The following RIPOR2 variants were observed in gnomAD, a reference collection of about 807,000 sequenced individuals.
RIPOR2 encodes rho family-interacting cell polarization regulator 2.
A neutral mutation model predicts 114.5 loss-of-function variants in RIPOR2; 39 were observed. The observed-to-expected ratio is 0.34, with a 90% confidence interval of 0.26 to 0.44. The LOEUF (loss-of-function observed/expected upper bound fraction) is 0.44, where lower values mean the gene tolerates loss of function less well. RIPOR2 is among the 20% of genes least tolerant of loss of function. RIPOR2 has a pLI of 1.00. For missense variants in RIPOR2, 1,007 were observed against 1,255.1 expected (o/e 0.80, Z 2.99); for synonymous variants, 445 against 484.4 (o/e 0.92, Z 1.07).
intron 12 of RIPOR2, among the ~76,000 whole-genome samples, chr6:24,845,667 A>G (rs1762192163): frequency 1.3e-5 from 2 of 152,200 alleles, no homozygotes; most frequent in Non-Finnish European, 2.9e-5. Flanking sequence ...GGGGACTTGC[A>G]GTCTACCAAG....
chr6:24,908,115 G>C (rs1460679395), intron 1 of RIPOR2, among the ~76,000 whole-genome samples: 1 of 152,124 alleles, frequency 6.6e-6, no homozygotes, highest in African/African-American at 2.4e-5. Context: ...CCTGGTAAAG[G>C]AGCTGTTCAC....
chr6:24,819,118 G>T (rs1759437162), intron 19 of RIPOR2, among the ~76,000 whole-genome samples: 1 of 151,956 alleles, frequency 6.6e-6, no homozygotes, highest in Non-Finnish European at 1.5e-5. Flanking sequence ...GAATATAAGG[G>T]ATCAATTTAT....
intron 1 of RIPOR2, among the ~76,000 whole-genome samples, chr6:24,974,107 T>C (rs569600807): frequency 1.3e-5 from 2 of 152,168 alleles, no homozygotes; most frequent in South Asian, 2.1e-4. Context: ...TAAGTTGTGT[T>C]GGGTGGTGGC....
intron 19 of RIPOR2, 130 bp from the exon 20 acceptor site, chr6:24,818,755 G>GA (rs796956799): frequency 9.9e-4 from 426 of 432,072 alleles, no homozygotes; most frequent in South Asian, 1.4e-3. Flanking sequence ...TTCAGAGCAA[G>GA]AAAAAAAAAG....
At chr6:25,038,088 A>G (rs988514473) in intron 1 of RIPOR2, among the ~76,000 whole-genome samples, 3 of 152,242 alleles carry the variant, frequency 2.0e-5, no homozygotes, top group Non-Finnish European at 4.4e-5. Flanking sequence ...TTTAGGTGAT[A>G]GATATATAAG....
At chr6:24,958,958 C>CT (rs1554124803) in intron 1 of RIPOR2, among the ~76,000 whole-genome samples, 4 of 123,188 alleles carry the variant, frequency 3.2e-5, no homozygotes, top group Admixed American at 8.2e-5. Flanking sequence ...TCTACATTTT[C>CT]TTTTTTTTTT....
At chr6:24,862,026 G>C (rs185149673) in intron 7 of RIPOR2, among the ~76,000 whole-genome samples, 1 of 152,180 alleles carries the variant, frequency 6.6e-6, no homozygotes. Context: ...GTCTGACAAG[G>C]GTCTTCTCTT....
chr6:24,820,941 C>T (rs183712605), intron 19 of RIPOR2, among the ~76,000 whole-genome samples: 232 of 139,522 alleles, frequency 1.7e-3, no homozygotes, highest in African/African-American at 5.9e-3. Context: ...GGCACCATCT[C>T]AGCTCACTGC....
chr6:24,807,764 G>A (rs905367785), intron 21 of RIPOR2, among the ~76,000 whole-genome samples: 3 of 152,120 alleles, frequency 2.0e-5, no homozygotes, highest in Admixed American at 6.6e-5. Context: ...TTAAAATGTC[G>A]AAATCATTCC....
chr6:24,873,074 T>C (rs1765372799), intron 3 of RIPOR2, 115 bp from the exon 4 acceptor site: 2 of 699,022 alleles, frequency 2.9e-6, no homozygotes, highest in Admixed American at 4.8e-5. Context: ...TGCTCTGTAG[T>C]TGGGCAGGAG....
intron 1 of RIPOR2, among the ~76,000 whole-genome samples, chr6:25,027,412 G>A (rs2113738486): frequency 6.6e-6 from 1 of 152,206 alleles, no homozygotes; most frequent in East Asian, 1.9e-4. Context: ...CTACGAGCTG[G>A]CCTCTGTGGG....
rs1425561334 is a variant in RIPOR2, at chr6:25,041,698, C to T, written c.76+153G>A. The T allele has an allele frequency of 8.6e-6, 5 of 582,820 alleles. No homozygotes were observed. In the Admixed American group the frequency reaches 1.3e-4, roughly 15 times the overall value. The allele number at this position is 582,820 out of a possible 1,614,324, so 36.1% of individuals were successfully genotyped here. ...AGAGAGAGAGTCGGTAAAAAAATAC[C>T]AAAGTCCATTGGAAAACGGAGCACA... On this transcript the variant is annotated intron_variant, in intron 1 of 13. Coordinates refer to the RIPOR2 transcript ENST00000510784.
rs1214005987 is a variant in RIPOR2 at position 24,924,622 on chromosome 6, A to G, written c.61+11216T>C. Among the ~76,000 whole-genome samples the G allele has an allele frequency of 2.6e-5, 4 of 152,186 alleles. No individual in the cohort carries two copies. The East Asian group carries it at 7.7e-4, about 29-fold the overall frequency. On this transcript the variant is annotated intron_variant, in intron 1 of 21. Coordinates refer to ENST00000643898, the MANE Select transcript of RIPOR2 (RefSeq NM_001286445.3). ...TGGTATTACAGAGCAATGTAATATAATGACAGATATTCTCTTTAAAAGAGT... is the reference window on the plus strand; with the variant it reads ...TGGTATTACAGAGCAATGTAATATAGTGACAGATATTCTCTTTAAAAGAGT...
chr6:24,837,694 G>A (rs1413643419), intron 14 of RIPOR2, among the ~76,000 whole-genome samples: 1 of 152,188 alleles, frequency 6.6e-6, no homozygotes, highest in African/African-American at 2.4e-5. Flanking sequence ...ATAGGCATGA[G>A]CCATCATGCC....
At chr6:25,011,480 C>A (rs1032434826) in intron 1 of RIPOR2, among the ~76,000 whole-genome samples, 7 of 152,210 alleles carry the variant, frequency 4.6e-5, no homozygotes, top group African/African-American at 1.7e-4. Flanking sequence ...AGTCATCAAA[C>A]CACAGTTTAG....
intron 1 of RIPOR2, among the ~76,000 whole-genome samples, chr6:24,906,671 C>G (rs1769027369): frequency 6.6e-6 from 1 of 152,190 alleles, no homozygotes; most frequent in South Asian, 2.1e-4. Context: ...GGGTCTCACT[C>G]TGTCACCTAG....
chr6:24,895,916 G>A (rs1562324860), intron 1 of RIPOR2, among the ~76,000 whole-genome samples: 2 of 152,254 alleles, frequency 1.3e-5, no homozygotes, highest in East Asian at 3.9e-4. Context: ...GCGTGAACCC[G>A]GGAGGCGGAG....
At chr6:24,981,548 C>T (rs1036208704) in intron 1 of RIPOR2, among the ~76,000 whole-genome samples, 4 of 152,162 alleles carry the variant, frequency 2.6e-5, no homozygotes, top group Non-Finnish European at 4.4e-5. Context: ...GCTCTGGTTC[C>T]GGAACTGGGA....
At position 25,010,640 on chromosome 6, in the gene RIPOR2, G is replaced by A. The variant is rs575304565; in HGVS notation, c.76+31211C>T. ...TATACTAGGATTGGGCTATGGGAGC[G>A]CCAGGATTTATATGGGCTTTATAAG... On this transcript the variant is annotated intron_variant, in intron 1 of 13. Coordinates refer to the RIPOR2 transcript ENST00000510784. Among the ~76,000 whole-genome samples the A allele has an allele frequency of 2.9e-3, 442 of 152,220 alleles. 1 individual carries two copies. The highest frequency in any genetic ancestry group is 9.9e-3 in the African/African-American group (413 of 41,530).
Sources: gnomAD v4.1 joint callset for allele counts (sites outside exome capture counted in the v4.1 genomes callset) on GRCh38, gnomAD v4.1.1 for gene constraint, MANE v1.5 for transcripts, NCBI Gene and HGNC (gene_info 2026-07-23, HGNC 2026-07-21) for gene names.